The following SLC14A2 variants were observed in gnomAD, a reference collection of about 807,000 sequenced individuals.
The protein encoded by SLC14A2 is solute carrier family 14 member 2.
In SLC14A2, 91 loss-of-function variants were observed where a neutral mutation model predicts 104.6. The ratio of observed to expected loss-of-function variants is 0.87; its 90% CI spans 0.73 to 1.04. The LOEUF (loss-of-function observed/expected upper bound fraction) is 1.04, where lower values mean the gene tolerates loss of function less well. Ranked by LOEUF, SLC14A2 falls within the 50% of genes least tolerant of loss-of-function variation. The pLI, the probability that SLC14A2 is intolerant of heterozygous loss-of-function variation, is 0.00. For synonymous variants in SLC14A2, 476 were observed against 466.4 expected (o/e 1.02, Z -0.27); for missense variants, 1,189 against 1,156.0 (o/e 1.03, Z -0.41).
chr18:45,313,126 C>T (rs1476142630), intron 1 of SLC14A2, among the ~76,000 whole-genome samples: 2 of 152,148 alleles, frequency 1.3e-5, no homozygotes, highest in Non-Finnish European at 2.9e-5. Context: ...TTCACTGGGG[C>T]AAATGGAGAG....
At chr18:45,613,882 G>A (rs1316986085), upstream of SLC14A2, among the ~76,000 whole-genome samples, 1 of 152,252 alleles carries the variant, frequency 6.6e-6, no homozygotes, top group Non-Finnish European at 1.5e-5. Flanking sequence ...GCCTGACGAT[G>A]TGATGGAAAG....
chr18:45,239,205 C>A (rs1261183647), intron 1 of SLC14A2, among the ~76,000 whole-genome samples: 1 of 152,148 alleles, frequency 6.6e-6, no homozygotes, highest in Non-Finnish European at 1.5e-5. Context: ...AAGCCAGTCC[C>A]AAATCCCCCC....
intron 1 of SLC14A2, among the ~76,000 whole-genome samples, chr18:45,264,289 G>A (rs2084569827): frequency 1.3e-5 from 2 of 152,080 alleles, no homozygotes; most frequent in African/African-American, 4.8e-5. Flanking sequence ...AAAAGGAACA[G>A]TTTTTACCAA....
At chr18:45,571,441 C>A (rs1248781967) in intron 2 of SLC14A2, among the ~76,000 whole-genome samples, 1 of 152,246 alleles carries the variant, frequency 6.6e-6, no homozygotes, top group East Asian at 1.9e-4. Flanking sequence ...TCTAGTTCTC[C>A]TCTCCTGACA....
chr18:45,506,873 G>C (rs2043295003), intron 2 of SLC14A2, among the ~76,000 whole-genome samples: 1 of 152,220 alleles, frequency 6.6e-6, no homozygotes, highest in Admixed American at 6.5e-5. Context: ...TAGGAATGAA[G>C]GGGAACTGGA....
chr18:45,392,549 T>A (rs2085982193), intron 1 of SLC14A2, among the ~76,000 whole-genome samples: 1 of 152,236 alleles, frequency 6.6e-6, no homozygotes, highest in South Asian at 2.1e-4. Context: ...TTGCTTTAGA[T>A]GTTATATACC....
At chr18:45,378,410 G>A (rs2085798087) in intron 1 of SLC14A2, among the ~76,000 whole-genome samples, 1 of 152,168 alleles carries the variant, frequency 6.6e-6, no homozygotes, top group African/African-American at 2.4e-5. Flanking sequence ...GAGCTTGGAT[G>A]GCCATCCCCT....
intron 1 of SLC14A2, among the ~76,000 whole-genome samples, chr18:45,384,669 C>A (rs1005320087): frequency 6.6e-6 from 1 of 152,104 alleles, no homozygotes; most frequent in Non-Finnish European, 1.5e-5. Context: ...CCCCCGACAA[C>A]CCCCAGCTGT....
At chr18:45,321,718 A>T (rs576863518) in intron 1 of SLC14A2, among the ~76,000 whole-genome samples, 7 of 152,360 alleles carry the variant, frequency 4.6e-5, no homozygotes, top group African/African-American at 1.2e-4. Flanking sequence ...TCACGGAGGC[A>T]GGCAGGCTAA....
chr18:45,190,615 G>T, the SLC14A2 span, among the ~76,000 whole-genome samples: 1 of 152,170 alleles, frequency 6.6e-6, no homozygotes, highest in East Asian at 1.9e-4. Context: ...TTCCTGGTTT[G>T]TAATAGAGAT....
At chr18:45,181,222 A>C in the SLC14A2 span, 3 of 152,276 alleles carry the variant, frequency 2.0e-5, no homozygotes, top group African/African-American at 7.2e-5. Context: ...GGCTTTGTAC[A>C]TCACTCTTGC....
intron 1 of SLC14A2, among the ~76,000 whole-genome samples, chr18:45,268,687 T>G (rs1462514963): frequency 2.6e-5 from 4 of 152,064 alleles, no homozygotes; most frequent in Non-Finnish European, 5.9e-5. Flanking sequence ...AGTGGACAGG[T>G]GGTAAAAAGT....
At chr18:45,510,274 G>C (rs978331639) in intron 2 of SLC14A2, among the ~76,000 whole-genome samples, 1 of 152,092 alleles carries the variant, frequency 6.6e-6, no homozygotes, top group African/African-American at 2.4e-5. Flanking sequence ...CCATGTGATA[G>C]GGGAGAAAAA....
rs747230456 is a variant in SLC14A2 at position 45,639,847 on chromosome 18, C to T, written c.945C>T (p.Leu315=). ...TGGCTCTGTTCATCTCCTCGCCACT[C>T]ATCTGCTTGCATGCAGCCATTGGCT... ...FLVALFISSP[L]ICLHAAIGSI... is the part of the protein sequence containing the mutation. Residue 315 remains leucine (L), a synonymous_variant, in exon 7 of 20, where the codon CTC becomes CTT. Transcript: ENST00000255226. 2.0e-5 allele frequency: 33 copies of T among 1,613,866 alleles called. No individual in the cohort carries two copies. In the South Asian group the frequency reaches 3.4e-4, roughly 17 times the overall value.
intron 2 of SLC14A2, among the ~76,000 whole-genome samples, chr18:45,586,062 T>C (rs540511601): frequency 6.6e-6 from 1 of 152,358 alleles, no homozygotes; most frequent in South Asian, 2.1e-4. Context: ...AAGTAATAAA[T>C]ATGTTAATAC....
intron 1 of SLC14A2, among the ~76,000 whole-genome samples, chr18:45,400,613 C>T (rs1044811971): frequency 1.7e-4 from 26 of 152,120 alleles, no homozygotes; most frequent in Non-Finnish European, 7.4e-5. Flanking sequence ...TTCCATTAAC[C>T]CCACTGTCAC....
chr18:45,536,916 A>G (rs2043795774), intron 2 of SLC14A2, among the ~76,000 whole-genome samples: 1 of 152,106 alleles, frequency 6.6e-6, no homozygotes, highest in South Asian at 2.1e-4. Flanking sequence ...GCATCCTTGC[A>G]GGCCTTCAAG....
At chr18:45,268,597 G>A (rs972775222) in intron 1 of SLC14A2, among the ~76,000 whole-genome samples, 1 of 152,198 alleles carries the variant, frequency 6.6e-6, no homozygotes, top group Non-Finnish European at 1.5e-5. Flanking sequence ...GTTACATGAA[G>A]TCTAAATGTG....
In SLC14A2 at chr18:45,626,943, C is replaced by G. The variant is rs148866507; in HGVS notation, c.332-15C>G. ...AAGCTGGACCTGCTGATGGCTCGCT[C>G]TCTGTCTCTTTCAGACAAGCACCTT... On this transcript the variant is annotated splice_polypyrimidine_tract_variant and intron_variant, in intron 3 of 19. Coordinates refer to ENST00000255226, the MANE Select transcript of SLC14A2 (RefSeq NM_007163.4). 1.9e-6 allele frequency: 3 copies of G among 1,603,172 alleles called. No homozygotes were observed. Among genetic ancestry groups the G allele is most frequent in the East Asian group, 2.2e-5 (1 of 44,732 alleles).
Sources: gnomAD v4.1 joint callset for allele counts (sites outside exome capture counted in the v4.1 genomes callset) on GRCh38, gnomAD v4.1.1 for gene constraint, MANE v1.5 for transcripts, NCBI Gene and HGNC (gene_info 2026-07-23, HGNC 2026-07-21) for gene names.